The following RNF169 variants were observed in gnomAD, a reference collection of about 807,000 sequenced individuals.
The protein encoded by RNF169 is ring finger protein 169.
RNF169 carries 24 observed loss-of-function variants against 53.9 expected under a neutral mutation model. That is an observed-to-expected ratio of 0.45 (90% CI 0.32 to 0.63). RNF169 has a LOEUF of 0.63. RNF169 is among the 20% of genes least tolerant of loss of function. The probability of loss-of-function intolerance (pLI) is 0.04; values close to 1 mark genes in which losing one functional copy is unlikely to be tolerated. For missense variants in RNF169, 883 were observed against 906.2 expected, an observed-to-expected ratio of 0.97 and a Z score of 0.33; for synonymous variants, 396 against 363.5, an observed-to-expected ratio of 1.09 and a Z score of -1.02.
At chr11:74,786,811 T>C (rs1228236675) in intron 1 of RNF169, among the ~76,000 whole-genome samples, 1 of 152,222 alleles carries the variant, frequency 6.6e-6, no homozygotes, top group Non-Finnish European at 1.5e-5. Flanking sequence ...TATCCAAGGC[T>C]CTCAACCTTC....
chr11:74,796,180 A>G (rs1431414366), intron 2 of RNF169, among the ~76,000 whole-genome samples: 2 of 152,164 alleles, frequency 1.3e-5, no homozygotes, highest in African/African-American at 4.8e-5. Context: ...CTTGATTGCT[A>G]ATGGCATGCT....
At chr11:74,770,834 C>T (rs1304418770) in intron 1 of RNF169, among the ~76,000 whole-genome samples, 1 of 152,102 alleles carries the variant, frequency 6.6e-6, no homozygotes, top group Non-Finnish European at 1.5e-5. Flanking sequence ...GAGATGGAGT[C>T]TTGCTCTGTT....
chr11:74,762,097 G>A (rs985774689), intron 1 of RNF169, among the ~76,000 whole-genome samples: 11 of 144,454 alleles, frequency 7.6e-5, no homozygotes, highest in Non-Finnish European at 9.0e-5. Flanking sequence ...TGATCGCATC[G>A]GCTCCTGAGG....
At chr11:74,818,179 G>A (rs1323927718) in intron 4 of RNF169, among the ~76,000 whole-genome samples, 1 of 152,152 alleles carries the variant, frequency 6.6e-6, no homozygotes, top group Non-Finnish European at 1.5e-5. Context: ...TGTAGGCCCT[G>A]GGAAGGAAAG....
intron 1 of RNF169, among the ~76,000 whole-genome samples, chr11:74,767,499 A>C (rs1023503650): frequency 6.6e-6 from 1 of 151,982 alleles, no homozygotes; most frequent in Non-Finnish European, 1.5e-5. Context: ...TCCACCTGCC[A>C]GGTTCAAGCC....
chr11:74,823,980 A>T (rs923487265), intron 4 of RNF169, among the ~76,000 whole-genome samples: 2 of 152,162 alleles, frequency 1.3e-5, no homozygotes, highest in African/African-American at 4.8e-5. Flanking sequence ...CCACCTTATA[A>T]TATTCAAAAT....
intron 1 of RNF169, among the ~76,000 whole-genome samples, chr11:74,782,616 G>A (rs1351650347): frequency 6.6e-6 from 1 of 152,154 alleles, no homozygotes; most frequent in Non-Finnish European, 1.5e-5. Flanking sequence ...CCACTGATAT[G>A]GATGGCCCCT....
At chr11:74,761,670 C>T (rs1257424609) in intron 1 of RNF169, among the ~76,000 whole-genome samples, 1 of 152,170 alleles carries the variant, frequency 6.6e-6, no homozygotes, top group Non-Finnish European at 1.5e-5. Context: ...AGGGTTTCTG[C>T]CGAGAGATCC....
At chr11:74,806,277 T>A (rs1225905503) in intron 2 of RNF169, among the ~76,000 whole-genome samples, 1 of 152,184 alleles carries the variant, frequency 6.6e-6, no homozygotes, top group East Asian at 1.9e-4. Context: ...GAAATACAAA[T>A]TAAAATAATG....
chr11:74,835,604 A>G lies in RNF169; in HGVS notation c.1001A>G (p.Asn334Ser), dbSNP rs1565189458. The G allele has an allele frequency of 6.2e-7, 1 of 1,614,054 alleles. No homozygotes were observed. The highest frequency in any genetic ancestry group is 8.5e-7 in the Non-Finnish European group (1 of 1,180,020). Residue 334 changes from asparagine (N) to serine (S), a missense_variant, in exon 6 of 6, where the codon AAC (asparagine) becomes AGC (serine). Physicochemically the swap from Asn to Ser is conservative, Grantham distance 46. Around this residue, in one of 3 missense-constraint regions of RNF169, gnomAD observed 219 missense variants for 289.1 expected, o/e 0.76. Transcript: ENST00000299563. ...PIIGVLLSTQ[N>S]NRCVSAPDLT... is the part of the protein sequence containing the mutation. Reference sequence around the variant, plus strand: ...ATTGGTGTCCTCTTGTCAACTCAAAACAACCGCTGCGTCTCGGCCCCTGAC... The same window carrying G: ...ATTGGTGTCCTCTTGTCAACTCAAAGCAACCGCTGCGTCTCGGCCCCTGAC...
intron 1 of RNF169, among the ~76,000 whole-genome samples, chr11:74,771,542 A>G (rs1344146052): frequency 7.2e-6 from 1 of 138,878 alleles, no homozygotes. Flanking sequence ...TTGTCTCTAC[A>G]AAAGTAAAAA....
intron 1 of RNF169, among the ~76,000 whole-genome samples, chr11:74,764,454 G>GGC (rs762106593): frequency 2.2e-4 from 33 of 152,146 alleles, no homozygotes; most frequent in Non-Finnish European, 4.1e-4. Flanking sequence ...GAACCCAGGA[G>GGC]GCGGTGAGCC....
intron 1 of RNF169, among the ~76,000 whole-genome samples, chr11:74,753,046 G>A (rs956579155): frequency 5.3e-5 from 8 of 152,064 alleles, no homozygotes; most frequent in South Asian, 2.1e-4. Context: ...TCGGTTCACC[G>A]CAACCTCCGC....
At chr11:74,755,954 C>T (rs2034975676) in intron 1 of RNF169, among the ~76,000 whole-genome samples, 1 of 152,132 alleles carries the variant, frequency 6.6e-6, no homozygotes, top group African/African-American at 2.4e-5. Flanking sequence ...ATAACATAAT[C>T]ATACTGTGCT....
intron 1 of RNF169, among the ~76,000 whole-genome samples, chr11:74,784,154 A>G (rs1470539565): frequency 6.6e-6 from 1 of 152,368 alleles, no homozygotes; most frequent in African/African-American, 2.4e-5. Context: ...CTATAATATT[A>G]TACTTTAATG....
chr11:74,775,096 GA>G (rs2035313943), intron 1 of RNF169, among the ~76,000 whole-genome samples: 1 of 152,218 alleles, frequency 6.6e-6, no homozygotes, highest in African/African-American at 2.4e-5. Context: ...AAGAGCCCAA[GA>G]ATGTTTTCTT....
chr11:74,832,250 G>A (rs768508307), intron 4 of RNF169: 3 of 151,924 alleles, frequency 2.0e-5, no homozygotes, highest in Admixed American at 6.6e-5. Flanking sequence ...GACAATTTCA[G>A]CTACACTGAA....
chr11:74,769,416 C>CAA (rs1591393665), intron 1 of RNF169, among the ~76,000 whole-genome samples: 1 of 152,084 alleles, frequency 6.6e-6, no homozygotes, highest in African/African-American at 2.4e-5. Flanking sequence ...CGTTGGAGAG[C>CAA]AGTTTGGCCA....
At chr11:74,809,586 T>G (rs1019908587) in intron 2 of RNF169, among the ~76,000 whole-genome samples, 1 of 152,170 alleles carries the variant, frequency 6.6e-6, no homozygotes, top group Non-Finnish European at 1.5e-5. Context: ...TAGGGAGGCC[T>G]AGGCAGGCGG....
Sources: gnomAD v4.1 joint callset for allele counts (sites outside exome capture counted in the v4.1 genomes callset) on GRCh38, gnomAD v4.1.1 for gene constraint, gnomAD v4.1.1 regional missense constraint, MANE v1.5 for transcripts, NCBI Gene and HGNC (gene_info 2026-07-23, HGNC 2026-07-21) for gene names.